Variants in TMED10 observed in about 807,000 individuals in gnomAD.
TMED10 encodes the protein transmembrane emp24 domain-containing protein 10.
A neutral mutation model predicts 23.1 loss-of-function variants in TMED10; 7 were observed. The ratio of observed to expected loss-of-function variants is 0.30; its 90% CI spans 0.17 to 0.57. TMED10 has a LOEUF of 0.57. TMED10 is among the 20% of genes least tolerant of loss of function. The pLI, the probability that TMED10 is intolerant of heterozygous loss-of-function variation, is 0.91. For missense variants in TMED10, 162 were observed against 274.8 expected (o/e 0.59, Z 2.90); for synonymous variants, 113 against 106.9 (o/e 1.06, Z -0.35).
intron 3 of TMED10, among the ~76,000 whole-genome samples, chr14:75,144,811 C>T (rs1392505631): frequency 2.0e-5 from 3 of 152,196 alleles, no homozygotes; most frequent in African/African-American, 7.2e-5. Flanking sequence ...GTACCCGCCA[C>T]CATGCCCGGC....
At chr14:75,136,690 CCTA>C (rs1363169615) in intron 3 of TMED10, 1 of 152,126 alleles carries the variant, frequency 6.6e-6, no homozygotes, top group Non-Finnish European at 1.5e-5. Flanking sequence ...TCATATAAAT[CCTA>C]CAACAACTTT....
In TMED10 at chr14:75,132,921, T is replaced by G. The variant is rs1355514829; in HGVS notation, c.*1964A>C. On this transcript the variant is annotated 3_prime_UTR_variant, in exon 5 of 5. Coordinates refer to ENST00000303575, the MANE Select transcript of TMED10 (RefSeq NM_006827.6). Reference sequence around the variant, plus strand: ...ACTTTCTTGGGAGATGTGGGAAAGATTTCAAGTCACAGCATTTTTCATAAC... The same window carrying G: ...ACTTTCTTGGGAGATGTGGGAAAGAGTTCAAGTCACAGCATTTTTCATAAC... 1 of 152,440 alleles carries G rather than the reference T, an allele frequency of 6.6e-6. No individual in the cohort carries two copies. The highest frequency in any genetic ancestry group is 1.5e-5 in the Non-Finnish European group (1 of 68,046). The allele number at this position is 152,440 out of a possible 1,614,324, so 9.4% of individuals were successfully genotyped here. A position where few individuals can be genotyped will look rare whatever the true frequency, so the allele number is the denominator to read the frequency against.
At chr14:75,137,862 C>T (rs1480168533) in intron 3 of TMED10, among the ~76,000 whole-genome samples, 1 of 151,950 alleles carries the variant, frequency 6.6e-6, no homozygotes, top group African/African-American at 2.4e-5. Context: ...GTGTGTGCCA[C>T]CCCACCCAGC....
chr14:75,147,584 G>A, intron 3 of TMED10, 80 bp downstream of exon 3: 4 of 1,414,778 alleles, frequency 2.8e-6, no homozygotes, highest in Non-Finnish European at 4.0e-6. Flanking sequence ...GCAAAGCACA[G>A]CCTGTTGGCC....
intron 3 of TMED10, 79 bp from the exon 4 acceptor site, chr14:75,135,965 T>G: frequency 6.4e-7 from 1 of 1,555,332 alleles, no homozygotes; most frequent in Non-Finnish European, 8.6e-7. Flanking sequence ...CAGAGAAGTC[T>G]TTTTTAAAGT....
At chr14:75,141,493 G>C (rs1304874653) in intron 3 of TMED10, among the ~76,000 whole-genome samples, 1 of 152,136 alleles carries the variant, frequency 6.6e-6, no homozygotes, top group Non-Finnish European at 1.5e-5. Context: ...TAATGAATCA[G>C]AGCCATTCAT....
intron 1 of TMED10, among the ~76,000 whole-genome samples, chr14:75,155,536 A>G (rs144339180): frequency 1.8e-3 from 268 of 152,366 alleles, no homozygotes; most frequent in African/African-American, 6.3e-3. Context: ...ATGTATAACA[A>G]AACATCACAT....
chr14:75,147,947 C>T lies in TMED10; in HGVS notation c.338-210G>A, dbSNP rs146817790. 783 of 595,518 alleles carry T rather than the reference C, an allele frequency of 1.3e-3. 4 individuals carry two copies. Among genetic ancestry groups the T allele is most frequent in the African/African-American group, 0.013 (682 of 53,802 alleles). 36.9% of individuals were successfully genotyped at this position (595,518 alleles called of 1,614,324 possible). ...CAAAGCCTCTATCTGTGTGGGGTGC[C>T]GGAAAGCAACAAGAACATGCTGCTG... On this transcript the variant is annotated intron_variant, in intron 2 of 4. Transcript: ENST00000303575.
At chr14:75,140,950 T>C (rs1895814776) in intron 3 of TMED10, among the ~76,000 whole-genome samples, 1 of 152,196 alleles carries the variant, frequency 6.6e-6, no homozygotes, top group African/African-American at 2.4e-5. Context: ...TAGACTTTTA[T>C]TACCAGCTTA....
chr14:75,160,996 A>G (rs1896078767), intron 1 of TMED10, among the ~76,000 whole-genome samples: 1 of 152,170 alleles, frequency 6.6e-6, no homozygotes, highest in South Asian at 2.1e-4. Flanking sequence ...GTGACCCGAG[A>G]TTGTGCCACT....
rs930402267 is a variant in TMED10, at chr14:75,163,330, A to G, written c.226-11187T>C. On this transcript the variant is annotated intron_variant, in intron 1 of 4. Coordinates refer to ENST00000303575, the MANE Select transcript of TMED10 (RefSeq NM_006827.6). ...CACTTTGGGAGGTTGAGGCAGGCAG[A>G]TCACTTGAGGTCAGGAGTTCGAGAC... 2.6e-4 allele frequency among the ~76,000 whole-genome samples: 39 copies of G among 152,002 alleles called. 1 individual carries two copies. The highest frequency in any genetic ancestry group is 7.4e-5 in the Non-Finnish European group (5 of 67,978).
intron 1 of TMED10, among the ~76,000 whole-genome samples, chr14:75,164,532 AATATATATATATATATATAT>A (rs368412262): frequency 1.0e-3 from 57 of 54,436 alleles, no homozygotes; most frequent in Middle Eastern, 0.018. Flanking sequence ...CACCTGGCCT[AATATATATATATATATATAT>A]ATATATATAT....
chr14:75,142,854 TTC>T (rs1895839285), intron 3 of TMED10, among the ~76,000 whole-genome samples: 1 of 152,000 alleles, frequency 6.6e-6, no homozygotes, highest in African/African-American at 2.4e-5. Flanking sequence ...TTGATTTTTT[TTC>T]TTTCTTTTTT....
intron 1 of TMED10, among the ~76,000 whole-genome samples, chr14:75,155,955 C>A (rs1323349148): frequency 6.6e-6 from 1 of 152,176 alleles, no homozygotes; most frequent in Admixed American, 6.5e-5. Flanking sequence ...TTATTTCCCC[C>A]GTGTTCCATG....
chr14:75,165,521 C>T (rs1012714414), intron 1 of TMED10, among the ~76,000 whole-genome samples: 6 of 152,150 alleles, frequency 3.9e-5, no homozygotes, highest in African/African-American at 7.2e-5. Flanking sequence ...CCACCATGCC[C>T]AGCCTCAGAA....
chr14:75,175,767 C>A (rs1309366143), intron 1 of TMED10, among the ~76,000 whole-genome samples: 1 of 151,634 alleles, frequency 6.6e-6, no homozygotes, highest in Non-Finnish European at 1.5e-5. Context: ...AAAAAAGAAT[C>A]TATTCCATCT....
intron 3 of TMED10, among the ~76,000 whole-genome samples, chr14:75,141,222 G>A (rs1895818535): frequency 6.6e-6 from 1 of 152,174 alleles, no homozygotes; most frequent in Non-Finnish European, 1.5e-5. Context: ...AAGTTGGGCA[G>A]GACTTTTGAG....
At chr14:75,168,297 C>A (rs1056396176) in intron 1 of TMED10, among the ~76,000 whole-genome samples, 1 of 152,156 alleles carries the variant, frequency 6.6e-6, no homozygotes, top group African/African-American at 2.4e-5. Flanking sequence ...AGCTTGAGGA[C>A]CTTGTCCCGT....
intron 1 of TMED10, among the ~76,000 whole-genome samples, chr14:75,164,558 TATATATATATA>T (rs1896131044): frequency 9.8e-4 from 4 of 4,076 alleles, no homozygotes; most frequent in Non-Finnish European, 1.1e-3. Flanking sequence ...TATATATATA[TATATATATATA>T]TATATATATT....
Sources: allele counts gnomAD v4.1 joint callset (sites outside exome capture counted in the v4.1 genomes callset), GRCh38; gene constraint gnomAD v4.1.1; transcripts MANE v1.5; gene names NCBI Gene and HGNC (gene_info 2026-07-23, HGNC 2026-07-21).